The following ZNF827 variants were observed in gnomAD, a reference collection of about 807,000 sequenced individuals.
The protein encoded by ZNF827 is zinc finger protein 827.
ZNF827 carries 13 observed loss-of-function variants against 102.4 expected under a neutral mutation model. The ratio of observed to expected loss-of-function variants is 0.13; its 90% CI spans 0.08 to 0.20. The LOEUF (loss-of-function observed/expected upper bound fraction) is 0.20, where lower values mean the gene tolerates loss of function less well. Among genes scored for constraint, ZNF827 ranks in the 10% least tolerant of loss-of-function variants. ZNF827 has a pLI of 1.00. For synonymous variants in ZNF827, 523 were observed against 536.2 expected (o/e 0.98, Z 0.34); for missense variants, 1,103 against 1,344.4 (o/e 0.82, Z 2.81).
intron 2 of ZNF827, among the ~76,000 whole-genome samples, chr4:145,894,196 C>T (rs2126857632): frequency 6.6e-6 from 1 of 151,992 alleles, no homozygotes; most frequent in African/African-American, 2.4e-5. Context: ...CTTTAAAATA[C>T]TTGAGAAAAA....
At chr4:145,810,742 C>T (rs1351109363) in intron 8 of ZNF827, among the ~76,000 whole-genome samples, 4 of 152,046 alleles carry the variant, frequency 2.6e-5, no homozygotes, top group African/African-American at 7.2e-5. Context: ...CTACAGATCT[C>T]CTTCATTCTT....
chr4:145,878,220 A>C (rs1276679072), intron 4 of ZNF827, among the ~76,000 whole-genome samples: 1 of 152,138 alleles, frequency 6.6e-6, no homozygotes, highest in Non-Finnish European at 1.5e-5. Context: ...CCAAAGGCCC[A>C]CCTCTTTACA....
chr4:145,913,525 C>T (rs1752451549), intron 1 of ZNF827, among the ~76,000 whole-genome samples: 1 of 151,668 alleles, frequency 6.6e-6, no homozygotes. Flanking sequence ...ATCCTTACAT[C>T]CTTACTCACG....
intron 3 of ZNF827, among the ~76,000 whole-genome samples, chr4:145,889,930 T>C (rs1750459221): frequency 6.7e-6 from 1 of 149,374 alleles, no homozygotes; most frequent in South Asian, 2.2e-4. Flanking sequence ...TGAGCCAAGA[T>C]GGCGCCACTG....
At position 145,823,495 on chromosome 4, in the gene ZNF827, T is replaced by C; in HGVS notation, c.2310A>G (p.Gln770=). Residue 770 remains glutamine (Q), a synonymous_variant, in exon 8 of 15, where the codon CAA becomes CAG. Transcript: ENST00000508784. Reference sequence around the variant, plus strand: ...CTTTTGAATTGGAGGTGAATGGTGATTGTCTAAATGTGTCTTCTGAAAAGA... The same window carrying C: ...CTTTTGAATTGGAGGTGAATGGTGACTGTCTAAATGTGTCTTCTGAAAAGA... ...SPFFSEDTFR[Q]SPFTSNSKEL... is the part of the protein sequence containing the mutation. The C allele has an allele frequency of 1.2e-6, 2 of 1,613,874 alleles. No homozygotes were observed. Among genetic ancestry groups the C allele is most frequent in the Non-Finnish European group, 1.7e-6 (2 of 1,179,938 alleles).
chr4:145,875,624 T>C (rs1287149099), intron 4 of ZNF827, among the ~76,000 whole-genome samples: 1 of 152,214 alleles, frequency 6.6e-6, no homozygotes, highest in East Asian at 1.9e-4. Flanking sequence ...TAAATACTTC[T>C]ATTGGTTCCC....
intron 6 of ZNF827, among the ~76,000 whole-genome samples, chr4:145,848,425 G>T (rs1300220827): frequency 1.3e-5 from 2 of 152,104 alleles, no homozygotes; most frequent in Middle Eastern, 3.2e-3. Flanking sequence ...CTCTTTCCTG[G>T]TATCTTCCTT....
At chr4:145,820,217 C>T (rs1388610615) in intron 8 of ZNF827, 2 of 152,650 alleles carry the variant, frequency 1.3e-5, no homozygotes, top group African/African-American at 2.4e-5. Context: ...CTGAAGGCAT[C>T]TGGACTCTTC....
intron 8 of ZNF827, among the ~76,000 whole-genome samples, chr4:145,808,821 G>T (rs1044501057): frequency 6.6e-6 from 1 of 152,116 alleles, no homozygotes; most frequent in Non-Finnish European, 1.5e-5. Context: ...TTTAGAGGCA[G>T]TGTCTCTCTG....
At chr4:145,842,394 T>A (rs1233354932) in intron 7 of ZNF827, among the ~76,000 whole-genome samples, 5 of 152,166 alleles carry the variant, frequency 3.3e-5, no homozygotes, top group African/African-American at 1.2e-4. Flanking sequence ...GTGGACTTCG[T>A]GTTCTCTTGG....
intron 1 of ZNF827, among the ~76,000 whole-genome samples, chr4:145,914,329 GCC>G (rs1561074922): frequency 6.6e-6 from 1 of 152,054 alleles, no homozygotes; most frequent in Non-Finnish European, 1.5e-5. Context: ...CCCCTAACGC[GCC>G]CCCTGCAACC....
At chr4:145,923,845 A>G (rs963234356) in intron 1 of ZNF827, among the ~76,000 whole-genome samples, 3 of 152,226 alleles carry the variant, frequency 2.0e-5, no homozygotes, top group Non-Finnish European at 4.4e-5. Flanking sequence ...AAATAGATAC[A>G]ATGCATACGC....
chr4:145,848,612 C>T (rs1242255778), intron 6 of ZNF827, among the ~76,000 whole-genome samples: 2 of 151,870 alleles, frequency 1.3e-5, no homozygotes, highest in East Asian at 1.9e-4. Flanking sequence ...ATACCATCAA[C>T]CTCAATCATG....
chr4:145,912,800 G>C (rs1752384606), intron 1 of ZNF827, among the ~76,000 whole-genome samples: 1 of 152,226 alleles, frequency 6.6e-6, no homozygotes, highest in South Asian at 2.1e-4. Context: ...TGGACACCTT[G>C]AGCTCAGACT....
At chr4:145,836,121 C>A (rs1280186120) in intron 7 of ZNF827, among the ~76,000 whole-genome samples, 1 of 152,074 alleles carries the variant, frequency 6.6e-6, no homozygotes, top group Non-Finnish European at 1.5e-5. Flanking sequence ...CAAAGCTTCA[C>A]AGACAGCCCC....
chr4:145,801,798 G>T (rs1740930532), intron 8 of ZNF827, among the ~76,000 whole-genome samples: 1 of 152,066 alleles, frequency 6.6e-6, no homozygotes, highest in Non-Finnish European at 1.5e-5. Flanking sequence ...TTCTGGAGTG[G>T]GTGGAATCCA....
intron 13 of ZNF827, among the ~76,000 whole-genome samples, chr4:145,764,208 G>A (rs1001341813): frequency 6.6e-6 from 1 of 152,188 alleles, no homozygotes; most frequent in Non-Finnish European, 1.5e-5. Context: ...CCTCCTACCT[G>A]TGCTGCTTTC....
intron 1 of ZNF827, among the ~76,000 whole-genome samples, chr4:145,927,899 G>T (rs181086301): frequency 6.6e-6 from 1 of 152,198 alleles, no homozygotes; most frequent in Non-Finnish European, 1.5e-5. Flanking sequence ...ACTGTTTTCC[G>T]TTTTACATGA....
chr4:145,878,670 AAAGG>A (rs1749390515), intron 4 of ZNF827, among the ~76,000 whole-genome samples: 1 of 106,668 alleles, frequency 9.4e-6, no homozygotes, highest in Non-Finnish European at 2.0e-5. Context: ...GGAGAGAGAG[AAAGG>A]AAGGAAGGGA....
Sources: allele counts gnomAD v4.1 joint callset (sites outside exome capture counted in the v4.1 genomes callset), GRCh38; gene constraint gnomAD v4.1.1; transcripts MANE v1.5; gene names NCBI Gene and HGNC (gene_info 2026-07-23, HGNC 2026-07-21).